The following LRFN3 variants were observed in gnomAD, a reference collection of about 807,000 sequenced individuals.
LRFN3 encodes leucine-rich repeat and fibronectin type-III domain-containing protein 3.
LRFN3 carries 8 observed loss-of-function variants against 23.8 expected under a neutral mutation model. That is an observed-to-expected ratio of 0.34 (90% CI 0.20 to 0.61). The LOEUF (loss-of-function observed/expected upper bound fraction) is 0.61. LRFN3 is among the 20% of genes least tolerant of loss of function. The probability of loss-of-function intolerance (pLI) is 0.80; values close to 1 mark genes in which losing one functional copy is unlikely to be tolerated. For synonymous variants in LRFN3, 451 were observed against 450.6 expected (o/e 1.00, Z -0.01); for missense variants, 736 against 935.3 (o/e 0.79, Z 2.78).
chr19:35,937,835 G>A (rs1026446638), intron 1 of LRFN3, among the ~76,000 whole-genome samples: 8 of 151,996 alleles, frequency 5.3e-5, no homozygotes, highest in African/African-American at 1.9e-4. Context: ...GACCGTCTCC[G>A]CCACCTCTCT....
intron 2 of LRFN3, among the ~76,000 whole-genome samples, chr19:35,943,028 C>CAAA (rs566002756): frequency 1.2e-5 from 1 of 85,718 alleles, no homozygotes; most frequent in Non-Finnish European, 2.5e-5. Flanking sequence ...GACTCCGTCT[C>CAAA]AAAAAAAAAA....
chr19:35,939,626 A>G lies in LRFN3; in HGVS notation c.201A>G (p.Ala67=), dbSNP rs200309945. ...GCCGGGCAGCCGAGCTGCGGCTGGC[A>G]GACAACTTCATCGCCTCCGTGCGCC... ...LDRRAAELRL[A]DNFIASVRRR... is the part of the protein sequence containing the mutation. Residue 67 remains alanine, a synonymous_variant, in exon 2 of 3, where the codon GCA becomes GCG. Transcript: ENST00000246529. This position sits in a 1 kb window ranked among gnomAD's most constrained non-coding sequence, Gnocchi z 6.4. The G allele has an allele frequency of 6.2e-7, 1 of 1,609,268 alleles. No homozygotes were observed. The highest frequency in any genetic ancestry group is 2.2e-5 in the East Asian group (1 of 44,874).
rs11883234 is a variant in LRFN3 at position 35,946,496 on chromosome 19, G to A, written c.*1477G>A. Among the ~76,000 whole-genome samples, 12,566 of 151,938 alleles carry A rather than the reference G, an allele frequency of 0.083. 1,292 individuals carry two copies. The highest frequency in any genetic ancestry group is 0.24 in the African/African-American group (10,079 of 41,350). On this transcript the variant is annotated 3_prime_UTR_variant, in exon 3 of 3. Coordinates refer to ENST00000246529, the MANE Select transcript of LRFN3 (RefSeq NM_024509.2). ...GGGACTTTCCATATTTAAGGGTGAC[G>A]CAAAGAAAAACCTAACCAAGACTAA...
In LRFN3 at chr19:35,939,611, C is replaced by T. The variant is rs377765613; in HGVS notation, c.186C>T (p.Ala62=). 44 of 1,608,888 alleles carry T rather than the reference C, an allele frequency of 2.7e-5. No individual in the cohort carries two copies. Among genetic ancestry groups the T allele is most frequent in the African/African-American group, 5.3e-5 (4 of 74,926 alleles). Residue 62 remains alanine, a synonymous_variant, in exon 2 of 3, where the codon GCC becomes GCT. Transcript: ENST00000246529. The surrounding 1 kb of genome is among the most constrained non-coding windows in gnomAD (Gnocchi z 6.4). ...CACCCTCGCTGGACCGCCGGGCAGC[C>T]GAGCTGCGGCTGGCAGACAACTTCA... is the stretch of plus-strand genomic sequence containing the variant. ...FVPPSLDRRA[A]ELRLADNFIA...
chr19:35,944,618 G>T lies in LRFN3; in HGVS notation c.1486G>T (p.Val496Leu). Residue 496 changes from valine (V) to leucine (L), a missense_variant, in exon 3 of 3, where the codon GTG becomes TTG. Transcript: ENST00000246529. The surrounding 1 kb of genome is among the most constrained non-coding windows in gnomAD (Gnocchi z 4.5). ...GTCAGGCCGGACCTACGATCTGTGC[G>T]TGCTCGCCGTGTATGAGGACAGCGC... ...LASGRTYDLC[V>L]LAVYEDSATG... 1 of 1,554,482 alleles carries T rather than the reference G, an allele frequency of 6.4e-7. No homozygotes were observed. Among genetic ancestry groups the T allele is most frequent in the Non-Finnish European group, 8.6e-7 (1 of 1,157,618 alleles).
chr19:35,938,601 C>T (rs1976082709), intron 1 of LRFN3, among the ~76,000 whole-genome samples: 1 of 152,214 alleles, frequency 6.6e-6, no homozygotes. Flanking sequence ...CCTCTCCCCG[C>T]ACCATCCTCC....
chr19:35,936,900 G>T lies in LRFN3; in HGVS notation c.-672G>T, dbSNP rs1976063974. 2 of 152,300 alleles carry T rather than the reference G, an allele frequency of 1.3e-5. No individual in the cohort carries two copies. The highest frequency in any genetic ancestry group is 4.8e-5 in the African/African-American group (2 of 41,550). The allele number at this position is 152,300 out of a possible 1,614,324, so 9.4% of individuals were successfully genotyped here. A position where few individuals can be genotyped will look rare whatever the true frequency, so the allele number is the denominator to read the frequency against. On this transcript the variant is annotated 5_prime_UTR_variant, in exon 1 of 3. Coordinates refer to ENST00000246529, the MANE Select transcript of LRFN3 (RefSeq NM_024509.2). ...ATCGGTCACTGGGACCTCAATATTT[G>T]GAGCCGGAACCCCACAATTTGGAAC...
At position 35,939,543 on chromosome 19, in the gene LRFN3, C is replaced by A; in HGVS notation, c.118C>A (p.Pro40Thr). ...CTGCCGCTGCCAGACACAGTCGCTG[C>A]CCCTAAGCGTGCTGTGCCCAGGGGC... is the stretch of plus-strand genomic sequence containing the variant. The part of the protein sequence containing the change: ...RRCRCQTQSL[P>T]LSVLCPGAGL... The change falls in exon 2 of 3, where the codon CCC (proline) becomes ACC (threonine). Residue 40 changes from proline (P) to threonine (T), a missense_variant. Around this residue, in one of 2 missense-constraint regions of LRFN3, gnomAD observed 446 missense variants for 647.9 expected, o/e 0.69. Transcript: ENST00000246529. The surrounding 1 kb of genome is among the most constrained non-coding windows in gnomAD (Gnocchi z 6.4). 4 of 1,608,212 alleles carry A rather than the reference C, an allele frequency of 2.5e-6. No homozygotes were observed. The highest frequency in any genetic ancestry group is 3.4e-6 in the Non-Finnish European group (4 of 1,179,434).
At position 35,939,516 on chromosome 19, in the gene LRFN3, C is replaced by G; in HGVS notation, c.91C>G (p.Arg31Gly). The change falls in exon 2 of 3, where the codon CGC (arginine) becomes GGC (glycine). Residue 31 changes from arginine to glycine, a missense_variant. Arg to Gly is a moderately radical substitution (Grantham distance 125). Transcript: ENST00000246529. The surrounding 1 kb of genome is among the most constrained non-coding windows in gnomAD (Gnocchi z 6.4). ...AGCCACACCCAGCCCATGTCCCCGCCGCTGCCGCTGCCAGACACAGTCGCT... is the reference window on the plus strand; with the variant it reads ...AGCCACACCCAGCCCATGTCCCCGCGGCTGCCGCTGCCAGACACAGTCGCT... ...QSATPSPCPR[R>G]CRCQTQSLPL... The G allele has an allele frequency of 6.2e-7, 1 of 1,607,300 alleles. No individual in the cohort carries two copies.
chr19:35,940,987 GA>G, intron 2 of LRFN3, 147 bp downstream of exon 2: 1 of 1,259,498 alleles, frequency 7.9e-7, no homozygotes, highest in Admixed American at 3.3e-5. Flanking sequence ...AAAAGTAAAA[GA>G]AATCAGGCAG....
chr19:35,944,896 C>T lies in LRFN3; in HGVS notation c.1764C>T (p.Gly588=), dbSNP rs766498398. ...GCAGCGTTTGCTCCCAGACCAACGG[C>T]GCCCTGGGCCCCACGCCCACGCCCG... ...PVSSVCSQTN[G]ALGPTPTPAP... is the part of the protein sequence containing the mutation. Residue 588 remains glycine, a synonymous_variant, in exon 3 of 3, where the codon GGC becomes GGT. Coordinates refer to ENST00000246529, the MANE Select transcript of LRFN3 (RefSeq NM_024509.2). The surrounding 1 kb of genome is among the most constrained non-coding windows in gnomAD (Gnocchi z 4.5). 3 of 1,590,806 alleles carry T rather than the reference C, an allele frequency of 1.9e-6. No homozygotes were observed. Among genetic ancestry groups the T allele is most frequent in the Admixed American group, 1.7e-5 (1 of 59,398 alleles).
In LRFN3 at chr19:35,945,292, C is replaced by A; in HGVS notation, c.*273C>A. 1 of 360,832 alleles carries A rather than the reference C, an allele frequency of 2.8e-6. No homozygotes were observed. The highest frequency in any genetic ancestry group is 4.9e-6 in the Non-Finnish European group (1 of 202,362). The allele number at this position is 360,832 out of a possible 1,614,324, so 22.4% of individuals were successfully genotyped here. On this transcript the variant is annotated 3_prime_UTR_variant, in exon 3 of 3. Transcript: ENST00000246529. Reference sequence around the variant, plus strand: ...TTTGGGGAGACACCCCCTCCCCGCCCAGTTCAGTCTGAGGACCCCGGAGGA... The same window carrying A: ...TTTGGGGAGACACCCCCTCCCCGCCAAGTTCAGTCTGAGGACCCCGGAGGA...
Position 35,940,669 on chromosome 19 carries a change from C to T in LRFN3, c.1244C>T (p.Ser415Phe), listed in dbSNP as rs1568514384. Residue 415 changes from serine to phenylalanine, a missense_variant, in exon 2 of 3, where the codon TCT (serine) becomes TTT (phenylalanine). By Grantham distance (155) the Ser-to-Phe change is radical (BLOSUM62 -2). Around this residue, in one of 2 missense-constraint regions of LRFN3, gnomAD observed 446 missense variants for 647.9 expected, o/e 0.69. Coordinates refer to ENST00000246529, the MANE Select transcript of LRFN3 (RefSeq NM_024509.2). ...GCTCTCACCCCACCCTCCGCTGCCTCTGCTTCTGCCAAGGTGGCCGACACT... is the reference window on the plus strand; with the variant it reads ...GCTCTCACCCCACCCTCCGCTGCCTTTGCTTCTGCCAAGGTGGCCGACACT... Reference protein sequence around the residue: ...PDALTPPSAASASAKVADTGP... With the variant: ...PDALTPPSAAFASAKVADTGP... The T allele has an allele frequency of 6.2e-7, 1 of 1,613,056 alleles. No homozygotes were observed. Among genetic ancestry groups the T allele is most frequent in the Non-Finnish European group, 8.5e-7 (1 of 1,179,604 alleles).
rs2038962773 is a variant in LRFN3 at position 35,945,103 on chromosome 19, C to G, written c.*84C>G. On this transcript the variant is annotated 3_prime_UTR_variant, in exon 3 of 3. Coordinates refer to ENST00000246529, the MANE Select transcript of LRFN3 (RefSeq NM_024509.2). ...CTGTGGGACCTGGCCTCAAACTCAC[C>G]AAATCGCTCATGGTTTTTAAAACTC... The G allele has an allele frequency of 1.3e-6, 1 of 775,172 alleles. No homozygotes were observed. The highest frequency in any genetic ancestry group is 4.2e-5 in the Admixed American group (1 of 23,924). The allele number at this position is 775,172 out of a possible 1,614,324, so 48.0% of individuals were successfully genotyped here.
Position 35,944,696 on chromosome 19 carries a change from C to G in LRFN3, c.1564C>G (p.Pro522Ala). The stretch of plus-strand genomic sequence containing the variant: ...GGGCTGCGCCCGCTTCTCCACCGAA[C>G]CTGCGCTGCGGCCATGCGGGGCGCC... ...PVGCARFSTE[P>A]ALRPCGAPHA... The change falls in exon 3 of 3, where the codon CCT becomes GCT. Residue 522 changes from proline to alanine, a missense_variant. Physicochemically the swap from Pro to Ala is conservative, Grantham distance 27. Around this residue, in one of 2 missense-constraint regions of LRFN3, gnomAD observed 290 missense variants for 287.4 expected, o/e 1.01. Coordinates refer to ENST00000246529, the MANE Select transcript of LRFN3 (RefSeq NM_024509.2). This position sits in a 1 kb window ranked among gnomAD's most constrained non-coding sequence, Gnocchi z 4.5. 3.7e-6 allele frequency: 6 copies of G among 1,604,152 alleles called. No individual in the cohort carries two copies. The highest frequency in any genetic ancestry group is 1.3e-5 in the African/African-American group (1 of 74,536).
At position 35,944,621 on chromosome 19, in the gene LRFN3, C is replaced by G; in HGVS notation, c.1489C>G (p.Leu497Val). The change falls in exon 3 of 3, where the codon CTC becomes GTC. Residue 497 changes from leucine (L) to valine (V), a missense_variant. This residue lies in a region of LRFN3 where 290 missense variants were observed against 287.4 expected (regional missense o/e 1.01). Transcript: ENST00000246529. The surrounding 1 kb of genome is among the most constrained non-coding windows in gnomAD (Gnocchi z 4.5). ...ASGRTYDLCV[L>V]AVYEDSATGL... is the part of the protein sequence containing the mutation. ...AGGCCGGACCTACGATCTGTGCGTG[C>G]TCGCCGTGTATGAGGACAGCGCCAC... is the stretch of plus-strand genomic sequence containing the variant. The G allele has an allele frequency of 6.4e-7, 1 of 1,558,878 alleles. No homozygotes were observed. Among genetic ancestry groups the G allele is most frequent in the South Asian group, 1.2e-5 (1 of 83,116 alleles).
At position 35,936,418 on chromosome 19, in the gene LRFN3, G is replaced by A. The variant is rs554519841; in HGVS notation, c.-1154G>A. Among the ~76,000 whole-genome samples, 13 of 151,186 alleles carry A rather than the reference G, an allele frequency of 8.6e-5. No homozygotes were observed. Among genetic ancestry groups the A allele is most frequent in the Admixed American group, 8.6e-4 (13 of 15,180 alleles). ...GCCCTGGGTTGCCGGCGAGGAGGCC[G>A]CGGGAGCGCCTGGACCCGGCCCGCC... is the stretch of plus-strand genomic sequence containing the variant. On this transcript the variant is annotated 5_prime_UTR_variant, in exon 1 of 3. Transcript: ENST00000246529.
rs372469806 is a variant in LRFN3, at chr19:35,939,866, G to C, written c.441G>C (p.Ala147=). The stretch of plus-strand genomic sequence containing the variant: ...GCAACAACCAGCTGGCAGCGCTGGC[G>C]GCCGGCGCCCTGGATGATTGTGCCG... The part of the protein sequence containing the change: ...ILSNNQLAAL[A]AGALDDCAET... Residue 147 remains alanine, a synonymous_variant, in exon 2 of 3, where the codon GCG becomes GCC. Coordinates refer to ENST00000246529, the MANE Select transcript of LRFN3 (RefSeq NM_024509.2). The surrounding 1 kb of genome is among the most constrained non-coding windows in gnomAD (Gnocchi z 6.4). 2.5e-6 allele frequency: 4 copies of C among 1,601,302 alleles called. No homozygotes were observed. The highest frequency in any genetic ancestry group is 3.4e-6 in the Non-Finnish European group (4 of 1,179,806).
In LRFN3 at chr19:35,944,912, C is replaced by T. The variant is rs1976161091; in HGVS notation, c.1780C>T (p.Pro594Ser). The stretch of plus-strand genomic sequence containing the variant: ...GACCAACGGCGCCCTGGGCCCCACG[C>T]CCACGCCCGCCCCGCCCGCCCCGGA... ...SQTNGALGPT[P>S]TPAPPAPEPA... is the part of the protein sequence containing the mutation. Residue 594 changes from proline (P) to serine (S), a missense_variant, in exon 3 of 3, where the codon CCC (proline) becomes TCC (serine). Pro to Ser is a moderately conservative substitution (Grantham distance 74, BLOSUM62 -1). This residue lies in a region of LRFN3 where 290 missense variants were observed against 287.4 expected (regional missense o/e 1.01). Transcript: ENST00000246529. The surrounding 1 kb of genome is among the most constrained non-coding windows in gnomAD (Gnocchi z 4.5). 1 of 1,559,536 alleles carries T rather than the reference C, an allele frequency of 6.4e-7. No homozygotes were observed. Among genetic ancestry groups the T allele is most frequent in the Non-Finnish European group, 8.6e-7 (1 of 1,160,824 alleles).
Sources: allele counts gnomAD v4.1 joint callset (sites outside exome capture counted in the v4.1 genomes callset), GRCh38; gene constraint gnomAD v4.1.1; regional missense constraint gnomAD v4.1.1; non-coding constraint Gnocchi (gnomAD v3.1); transcripts MANE v1.5; gene names NCBI Gene and HGNC (gene_info 2026-07-23, HGNC 2026-07-21).